ACTG2: variants seen among roughly 807,000 people sequenced by gnomAD.
ACTG2 encodes the protein actin gamma 2, smooth muscle.
In ACTG2, 16 loss-of-function variants were observed where a neutral mutation model predicts 37.6. That is an observed-to-expected ratio of 0.43 (90% CI 0.29 to 0.65). The LOEUF is 0.65. Ranked by LOEUF, ACTG2 falls within the 30% of genes least tolerant of loss-of-function variation. The pLI is 0.18. For missense variants in ACTG2, 238 were observed against 490.9 expected, an observed-to-expected ratio of 0.48 and a Z score of 4.87; for synonymous variants, 181 against 179.9, an observed-to-expected ratio of 1.01 and a Z score of -0.05.
intron 1 of ACTG2, among the ~76,000 whole-genome samples, chr2:73,893,399 T>C (rs1679670719): frequency 6.6e-6 from 1 of 152,170 alleles, no homozygotes; most frequent in African/African-American, 2.4e-5. Context: ...TGGGAGGCTG[T>C]TTTAGGGGAT....
At chr2:73,901,182 G>A in intron 1 of ACTG2, 94 bp from the exon 2 acceptor site, 1 of 1,048,762 alleles carries the variant, frequency 9.5e-7, no homozygotes. Context: ...AGTGTGCCCT[G>A]ATTGCAGGTA....
intron 2 of ACTG2, among the ~76,000 whole-genome samples, chr2:73,902,151 G>A (rs1313237331): frequency 1.3e-5 from 2 of 151,820 alleles, no homozygotes; most frequent in Non-Finnish European, 2.9e-5. Context: ...AAGAAGAAAG[G>A]CCACCACACA....
chr2:73,917,796 C>T (rs1346226860), intron 8 of ACTG2, among the ~76,000 whole-genome samples: 3 of 152,198 alleles, frequency 2.0e-5, no homozygotes, highest in East Asian at 3.9e-4. Context: ...CCTGTGGGCT[C>T]TTCTCACCCA....
At chr2:73,901,458 C>G in intron 2 of ACTG2, 21 bp downstream of exon 2, 1 of 1,613,056 alleles carries the variant, frequency 6.2e-7, no homozygotes, top group Non-Finnish European at 8.5e-7. Context: ...ATCTGGATAC[C>G]ACCAGGCTTT....
intron 1 of ACTG2, among the ~76,000 whole-genome samples, chr2:73,894,982 C>T (rs1056908498): frequency 1.1e-4 from 16 of 152,194 alleles, no homozygotes; most frequent in South Asian, 6.2e-4. Flanking sequence ...AGGGCAAGAG[C>T]GCTACTGCAG....
intron 1 of ACTG2, chr2:73,897,154 C>T (rs17009468): frequency 0.026 from 3,906 of 152,314 alleles, 150 homozygotes; most frequent in African/African-American, 0.086. Context: ...TGCAGAACAG[C>T]GTTGTTGACA....
chr2:73,904,022 G>A (rs1419292714), intron 3 of ACTG2, among the ~76,000 whole-genome samples: 1 of 149,452 alleles, frequency 6.7e-6, no homozygotes. Context: ...ACTTTGGGAA[G>A]CCAAGGCAGG....
chr2:73,913,932 C>A (rs1407208349), intron 6 of ACTG2, among the ~76,000 whole-genome samples: 1 of 152,110 alleles, frequency 6.6e-6, no homozygotes, highest in Non-Finnish European at 1.5e-5. Context: ...ATTTCATTAC[C>A]TAGGGGCACC....
intron 5 of ACTG2, among the ~76,000 whole-genome samples, chr2:73,913,144 G>A (rs1379633323): frequency 8.2e-6 from 1 of 121,214 alleles, no homozygotes; most frequent in Non-Finnish European, 1.7e-5. Context: ...ACTCCAGCCT[G>A]GGCAACAAGA....
At position 73,908,717 on chromosome 2, in the gene ACTG2, A is replaced by T; in HGVS notation, c.300A>T (p.Glu100Asp). Residue 100 changes from glutamate (E) to aspartate (D), a missense_variant, in exon 4 of 9, where the codon GAA (glutamate) becomes GAT (aspartate). Transcript: ENST00000345517. ...ACAATGAGCTGCGTGTAGCACCTGA[A>T]GAGCACCCCACCCTGCTCACAGAGG... ...SFYNELRVAP[E>D]EHPTLLTEAP... 1 of 1,613,584 alleles carries T rather than the reference A, an allele frequency of 6.2e-7. No homozygotes were observed. The highest frequency in any genetic ancestry group is 8.5e-7 in the Non-Finnish European group (1 of 1,179,768).
Position 73,919,754 on chromosome 2 carries a change from A to C in ACTG2, c.*179A>C. 1.7e-6 allele frequency: 1 copy of C among 599,498 alleles called. No homozygotes were observed. Among genetic ancestry groups the C allele is most frequent in the Non-Finnish European group, 2.7e-6 (1 of 371,434 alleles). The allele number at this position is 599,498 out of a possible 1,614,324, so 37.1% of individuals were successfully genotyped here. On this transcript the variant is annotated 3_prime_UTR_variant, in exon 9 of 9. Transcript: ENST00000345517. The stretch of plus-strand genomic sequence containing the variant: ...AATCCATGCAATAGTGCTGTAAGGT[A>C]GGTGCTATCATTATACCCATATTAC...
intron 3 of ACTG2, chr2:73,908,196 G>T: frequency 2.2e-6 from 1 of 453,696 alleles, no homozygotes; most frequent in South Asian, 1.6e-5. Context: ...CTTGAGCTCT[G>T]AAAGAGGGGC....
rs182024162 is a variant in ACTG2 at position 73,919,116 on chromosome 2, C to T, written c.988-316C>T. Among the ~76,000 whole-genome samples, 65 of 152,280 alleles carry T rather than the reference C, an allele frequency of 4.3e-4. 1 individual carries two copies. The East Asian group carries it at 9.1e-3, about 21-fold the overall frequency. On this transcript the variant is annotated intron_variant, in intron 8 of 8. Coordinates refer to ENST00000345517, the MANE Select transcript of ACTG2 (RefSeq NM_001615.4). Reference sequence around the variant, plus strand: ...CTTCCCAGGGGCAGCTCTTCTCATGCACATGGCAGAGCAAGAGAACATGCC... The same window carrying T: ...CTTCCCAGGGGCAGCTCTTCTCATGTACATGGCAGAGCAAGAGAACATGCC...
chr2:73,914,616 CA>C, intron 6 of ACTG2, 63 bp from the exon 7 acceptor site: 1 of 1,208,092 alleles, frequency 8.3e-7, no homozygotes, highest in South Asian at 1.9e-5. Flanking sequence ...TCATGGAGAT[CA>C]AAATGGGACA....
chr2:73,913,231 C>G (rs1410014271), intron 5 of ACTG2, among the ~76,000 whole-genome samples: 1 of 149,772 alleles, frequency 6.7e-6, no homozygotes, highest in African/African-American at 2.5e-5. Flanking sequence ...GTATGCATTA[C>G]CAGTAATGTG....
Position 73,898,205 on chromosome 2 carries a change from C to G in ACTG2, c.-36-3071C>G, listed in dbSNP as rs984293866. On this transcript the variant is annotated intron_variant, in intron 1 of 8. Transcript: ENST00000345517. ...TTATGACAGTTCCCCAAAGTAGTGA[C>G]GAAGGCACATCTCAGGCTTGGGAAG... Among the ~76,000 whole-genome samples the G allele has an allele frequency of 1.1e-4, 17 of 147,934 alleles. 1 individual carries two copies. Among genetic ancestry groups the G allele is most frequent in the Non-Finnish European group, 2.5e-4 (17 of 66,856 alleles).
intron 1 of ACTG2, among the ~76,000 whole-genome samples, chr2:73,900,713 A>C (rs1407118488): frequency 6.6e-6 from 1 of 152,232 alleles, no homozygotes; most frequent in Non-Finnish European, 1.5e-5. Context: ...CTATATGCAA[A>C]TGCAGCCTCC....
At chr2:73,908,097 C>T (rs1213542724) in intron 3 of ACTG2, among the ~76,000 whole-genome samples, 2 of 152,150 alleles carry the variant, frequency 1.3e-5, no homozygotes, top group Non-Finnish European at 2.9e-5. Context: ...TGTCGAGGCA[C>T]CCAAGAGCCA....
At chr2:73,908,910 G>A in intron 4 of ACTG2, 127 bp downstream of exon 4, 1 of 1,198,234 alleles carries the variant, frequency 8.3e-7, no homozygotes, top group Non-Finnish European at 1.2e-6. Context: ...TGTGGTCCAT[G>A]CCAGGCCCTG....
Sources: allele counts gnomAD v4.1 joint callset (sites outside exome capture counted in the v4.1 genomes callset), GRCh38; gene constraint gnomAD v4.1.1; transcripts MANE v1.5; gene names NCBI Gene and HGNC (gene_info 2026-07-23, HGNC 2026-07-21).